Variants in WNT3 observed in about 807,000 individuals in gnomAD.
WNT3 encodes the protein proto-oncogene Wnt-3.
A neutral mutation model predicts 34.2 loss-of-function variants in WNT3; 7 were observed. That is an observed-to-expected ratio of 0.20 (90% CI 0.12 to 0.38). The LOEUF (loss-of-function observed/expected upper bound fraction) is 0.38, where lower values mean the gene tolerates loss of function less well. WNT3 is among the 10% of genes least tolerant of loss of function. The pLI is 1.00. For synonymous variants in WNT3, 212 were observed against 211.5 expected, an observed-to-expected ratio of 1.00 and a Z score of -0.02; for missense variants, 267 against 499.8, an observed-to-expected ratio of 0.53 and a Z score of 4.44.
chr17:46,770,468 T>G (rs199525), intron 2 of WNT3, among the ~76,000 whole-genome samples: 20,525 of 152,052 alleles, frequency 0.13, 1,887 homozygotes, highest in Non-Finnish European at 0.2. Flanking sequence ...CTGAGTGAGA[T>G]CCAGGTCTGT....
At chr17:46,792,353 G>A (rs2083998590) in intron 1 of WNT3, among the ~76,000 whole-genome samples, 1 of 152,194 alleles carries the variant, frequency 6.6e-6, no homozygotes, top group Non-Finnish European at 1.5e-5. Context: ...AATAAGATAA[G>A]GTGGGGTACA....
In WNT3 at chr17:46,769,257, A is replaced by G. The variant is rs533863693; in HGVS notation, c.589-458T>C. Among the ~76,000 whole-genome samples, 90 of 150,574 alleles carry G rather than the reference A, an allele frequency of 6.0e-4. 1 individual carries two copies. The highest frequency in any genetic ancestry group is 2.1e-3 in the African/African-American group (84 of 40,644). ...CTTGAACTCGGGAGGCGGAGGTTGC[A>G]GGGACCCAAGATCCAGCCACTGCAC... On this transcript the variant is annotated intron_variant, in intron 3 of 4. Transcript: ENST00000225512.
intron 1 of WNT3, among the ~76,000 whole-genome samples, chr17:46,804,400 T>C (rs1452317825): frequency 6.6e-6 from 1 of 152,160 alleles, no homozygotes; most frequent in African/African-American, 2.4e-5. Flanking sequence ...TTTTATTTTG[T>C]TATTTAATCT....
At chr17:46,816,469 A>ACACACG (rs1024138837) in intron 1 of WNT3, among the ~76,000 whole-genome samples, 1 of 77,404 alleles carries the variant, frequency 1.3e-5, no homozygotes, top group Non-Finnish European at 2.3e-5. Context: ...TAGACCCAGA[A>ACACACG]CACACGCACA....
Position 46,768,468 on chromosome 17 carries a change from A to G in WNT3, c.920T>C (p.Ile307Thr), listed in dbSNP as rs1463977312. The G allele has an allele frequency of 6.2e-7, 1 of 1,614,142 alleles. No homozygotes were observed. The highest frequency in any genetic ancestry group is 8.5e-7 in the Non-Finnish European group (1 of 1,180,032). Residue 307 changes from isoleucine (I) to threonine (T), a missense_variant, in exon 4 of 5, where the codon ATC becomes ACC. This residue lies in a region of WNT3 where 60 missense variants were observed against 82.7 expected (regional missense o/e 0.73). Transcript: ENST00000225512. This position sits in a 1 kb window ranked among gnomAD's most constrained non-coding sequence, Gnocchi z 5.0. ...ACAGCAGAGCAGATCGCAGCCATCG[A>G]TGCCGTGGGAGGTGACATTGCAAGT... ...DRTCNVTSHG[I>T]DGCDLLCCGR...
intron 1 of WNT3, among the ~76,000 whole-genome samples, chr17:46,787,223 GA>G (rs1321271822): frequency 6.6e-6 from 1 of 151,356 alleles, no homozygotes; most frequent in Non-Finnish European, 1.5e-5. Context: ...TTACAGGTGT[GA>G]GCCAGCGTGC....
chr17:46,774,184 T>C (rs1274197410), intron 1 of WNT3, among the ~76,000 whole-genome samples: 1 of 152,168 alleles, frequency 6.6e-6, no homozygotes, highest in Non-Finnish European at 1.5e-5. Flanking sequence ...TGCAAAGCCA[T>C]GAAAAGAGGT....
rs557888941 is a variant in WNT3 at position 46,801,155 on chromosome 17, G to A, written c.80+17363C>T. Among the ~76,000 whole-genome samples, 3 of 152,318 alleles carry A rather than the reference G, an allele frequency of 2.0e-5. No homozygotes were observed. The East Asian group carries it at 5.8e-4, about 29-fold the overall frequency. ...GGCTTGGAGAGGTGAAGTCCACCCA[G>A]ATAAAAAGGCAGAACCATCTAGAGT... is the stretch of plus-strand genomic sequence containing the variant. On this transcript the variant is annotated intron_variant, in intron 1 of 4. Transcript: ENST00000225512.
chr17:46,810,475 A>C (rs948660701), intron 1 of WNT3, among the ~76,000 whole-genome samples: 5 of 152,198 alleles, frequency 3.3e-5, no homozygotes, highest in African/African-American at 1.2e-4. Flanking sequence ...TCTGAGGCCA[A>C]CTGGTCACGG....
chr17:46,794,715 C>T (rs986312258), intron 1 of WNT3, among the ~76,000 whole-genome samples: 2 of 151,490 alleles, frequency 1.3e-5, no homozygotes, highest in Non-Finnish European at 2.9e-5. Context: ...CTTCCACCAG[C>T]TTCCCAGGAC....
intron 1 of WNT3, among the ~76,000 whole-genome samples, chr17:46,797,008 TG>T (rs1216076480): frequency 3.3e-5 from 5 of 151,984 alleles, no homozygotes; most frequent in African/African-American, 9.7e-5. Flanking sequence ...ATTTTCCAAA[TG>T]GGGGAAAATG....
chr17:46,805,445 C>T (rs1172262524), intron 1 of WNT3, among the ~76,000 whole-genome samples: 2 of 151,924 alleles, frequency 1.3e-5, no homozygotes, highest in East Asian at 1.9e-4. Context: ...TGGTGGCGGG[C>T]GCCTATAATC....
intron 1 of WNT3, among the ~76,000 whole-genome samples, chr17:46,800,549 T>C (rs575850454): frequency 1.3e-5 from 2 of 152,150 alleles, no homozygotes; most frequent in Non-Finnish European, 2.9e-5. Flanking sequence ...CAGATGCACA[T>C]GAAGAGGTAT....
chr17:46,772,092 C>A (rs1340162192), intron 2 of WNT3, among the ~76,000 whole-genome samples: 1 of 152,072 alleles, frequency 6.6e-6, no homozygotes, highest in African/African-American at 2.4e-5. Flanking sequence ...TGTGGGGACT[C>A]GCCGGGGGCG....
At chr17:46,767,504 C>G (rs1021026866) in intron 4 of WNT3, among the ~76,000 whole-genome samples, 3 of 152,070 alleles carry the variant, frequency 2.0e-5, no homozygotes, top group Admixed American at 1.3e-4. Context: ...CATTTTGGCT[C>G]GCTGCTTGAG....
At chr17:46,771,456 G>C (rs1461495435) in intron 2 of WNT3, among the ~76,000 whole-genome samples, 1 of 149,964 alleles carries the variant, frequency 6.7e-6, no homozygotes, top group Admixed American at 6.6e-5. Context: ...GCGGCGCCCG[G>C]GCCCCGGGCC....
intron 1 of WNT3, among the ~76,000 whole-genome samples, chr17:46,808,158 A>G (rs552044797): frequency 3.9e-5 from 6 of 152,322 alleles, no homozygotes; most frequent in African/African-American, 1.4e-4. Context: ...GAGGAAACTG[A>G]GGCCCGGGAG....
chr17:46,772,983 C>T (rs565709769), intron 2 of WNT3, among the ~76,000 whole-genome samples: 3 of 152,300 alleles, frequency 2.0e-5, no homozygotes, highest in African/African-American at 7.2e-5. Context: ...CATCTTCCAC[C>T]CAGTCCATGA....
intron 1 of WNT3, among the ~76,000 whole-genome samples, chr17:46,803,774 G>C (rs1005320295): frequency 6.6e-6 from 1 of 152,234 alleles, no homozygotes; most frequent in African/African-American, 2.4e-5. Flanking sequence ...CTTGGCCACA[G>C]GCAGTGTGGC....
Sources: allele counts gnomAD v4.1 joint callset (sites outside exome capture counted in the v4.1 genomes callset), GRCh38; gene constraint gnomAD v4.1.1; regional missense constraint gnomAD v4.1.1; non-coding constraint Gnocchi (gnomAD v3.1); transcripts MANE v1.5; gene names NCBI Gene and HGNC (gene_info 2026-07-23, HGNC 2026-07-21).